C7: variants seen among roughly 807,000 people sequenced by gnomAD.
The protein encoded by C7 is complement component C7.
Under a neutral mutation model 104.8 loss-of-function variants are expected in C7, and 83 were observed. The ratio of observed to expected loss-of-function variants is 0.79; its 90% confidence interval spans 0.66 to 0.95. The LOEUF (loss-of-function observed/expected upper bound fraction) is 0.95, where lower values mean the gene tolerates loss of function less well. Among genes scored for constraint, C7 ranks in the 40% least tolerant of loss-of-function variants. C7 has a pLI of 0.00. For missense variants in C7, 1,070 were observed against 1,011.2 expected (o/e 1.06, Z -0.79); for synonymous variants, 415 against 360.6 (o/e 1.15, Z -1.71).
intron 14 of C7, among the ~76,000 whole-genome samples, chr5:40,968,333 C>T (rs773848266): frequency 6.6e-6 from 1 of 151,502 alleles, no homozygotes; most frequent in African/African-American, 2.4e-5. Context: ...GCCATGTTGG[C>T]CAGGCTGGTC....
chr5:40,910,670 C>T (rs1739188002), intron 1 of C7, among the ~76,000 whole-genome samples: 2 of 151,190 alleles, frequency 1.3e-5, no homozygotes, highest in Non-Finnish European at 2.9e-5. Flanking sequence ...CAGGAACAGA[C>T]AATCAAATAC....
chr5:40,955,510 G>C lies in C7; in HGVS notation c.1217G>C (p.Trp406Ser). ...GGAAACAAAAGGCGATATTCTGCCT[G>C]GGCAGAATCTGTGACTAATCTTCCT... ...PAGNKRRYSA[W>S]AESVTNLPQV... is the part of the protein sequence containing the mutation. The change falls in exon 10 of 18, where the codon TGG becomes TCG. Residue 406 changes from tryptophan (W) to serine (S), a missense_variant. Transcript: ENST00000313164. 1 of 1,613,276 alleles carries C rather than the reference G, an allele frequency of 6.2e-7. No homozygotes were observed. The highest frequency in any genetic ancestry group is 8.5e-7 in the Non-Finnish European group (1 of 1,179,498).
intron 10 of C7, among the ~76,000 whole-genome samples, chr5:40,957,553 T>C (rs1740316635): frequency 6.6e-6 from 1 of 152,100 alleles, no homozygotes; most frequent in Non-Finnish European, 1.5e-5. Context: ...CCTCCCAGGT[T>C]CAAGTGATTC....
chr5:40,911,133 A>G (rs1054571846), intron 1 of C7: 1 of 152,236 alleles, frequency 6.6e-6, no homozygotes, highest in African/African-American at 2.4e-5. Context: ...ACACTAAAGC[A>G]ATTATTTCAC....
chr5:40,945,399 T>C (rs1197812060), intron 7 of C7, 31 bp downstream of exon 7: 8 of 1,487,508 alleles, frequency 5.4e-6, no homozygotes, highest in Non-Finnish European at 7.3e-6. Context: ...AACTTTTCCA[T>C]GTTTTACTTT....
At chr5:40,909,755 A>G (rs1207574288) in intron 1 of C7, 139 bp downstream of exon 1, 3 of 490,690 alleles carry the variant, frequency 6.1e-6, no homozygotes, top group Middle Eastern at 5.4e-4. Context: ...AGGAAAATAC[A>G]GAAGAAAAAG....
chr5:40,970,692 C>G (rs542545456), intron 14 of C7, among the ~76,000 whole-genome samples: 1 of 152,116 alleles, frequency 6.6e-6, no homozygotes, highest in Non-Finnish European at 1.5e-5. Context: ...CTGCATCTAT[C>G]AACCCATCAT....
intron 14 of C7, among the ~76,000 whole-genome samples, chr5:40,965,450 A>G (rs13359402): frequency 0.078 from 11,824 of 152,084 alleles, 1,064 homozygotes; most frequent in African/African-American, 0.21. Flanking sequence ...CCTATTGTGA[A>G]ATTTCTGAGT....
chr5:40,955,269 C>T (rs190738616), intron 9 of C7, 118 bp from the exon 10 acceptor site: 2 of 926,946 alleles, frequency 2.2e-6, no homozygotes, highest in African/African-American at 3.3e-5. Context: ...TCTTTCTGAC[C>T]ACAATTTATC....
At chr5:40,972,108 C>T (rs1457411852) in intron 14 of C7, 2 of 514,044 alleles carry the variant, frequency 3.9e-6, no homozygotes, top group Middle Eastern at 2.9e-4. Flanking sequence ...TTGGTTTCAA[C>T]AGTAGGCTGG....
intron 13 of C7, among the ~76,000 whole-genome samples, chr5:40,963,450 A>G (rs1430336879): frequency 6.6e-6 from 1 of 151,918 alleles, no homozygotes; most frequent in Non-Finnish European, 1.5e-5. Flanking sequence ...GAAACAGAAC[A>G]TGTGCTCCTC....
intron 4 of C7, among the ~76,000 whole-genome samples, chr5:40,934,785 G>A (rs1739779879): frequency 6.6e-6 from 1 of 152,128 alleles, no homozygotes; most frequent in African/African-American, 2.4e-5. Context: ...TACATATATT[G>A]AGATTAGACG....
intron 15 of C7, among the ~76,000 whole-genome samples, chr5:40,974,855 G>T (rs1207003820): frequency 9.9e-5 from 15 of 152,158 alleles, no homozygotes; most frequent in Admixed American, 9.8e-4. Flanking sequence ...CTAGATTAAG[G>T]CTTCTCAACC....
chr5:40,936,126 G>A (rs1323132364), intron 4 of C7, among the ~76,000 whole-genome samples: 1 of 152,114 alleles, frequency 6.6e-6, no homozygotes, highest in East Asian at 1.9e-4. Flanking sequence ...TTTCAATTTT[G>A]TGTCTGATTG....
intron 6 of C7, among the ~76,000 whole-genome samples, chr5:40,941,131 T>A (rs974762469): frequency 2.0e-5 from 3 of 150,894 alleles, no homozygotes; most frequent in African/African-American, 7.3e-5. Context: ...TCGTGTGATC[T>A]CGGCTCACTG....
At chr5:40,964,114 C>T (rs1348702494) in intron 13 of C7, among the ~76,000 whole-genome samples, 2 of 141,274 alleles carry the variant, frequency 1.4e-5, no homozygotes, top group East Asian at 2.3e-4. Context: ...ACTATCTCGC[C>T]TCACTGCAAC....
chr5:40,940,889 C>G (rs1042968468), intron 6 of C7, among the ~76,000 whole-genome samples: 70 of 152,072 alleles, frequency 4.6e-4, no homozygotes, highest in Non-Finnish European at 1.9e-4. Context: ...AAGTCTGGCT[C>G]CAAACCCCCT....
intron 6 of C7, among the ~76,000 whole-genome samples, chr5:40,938,170 G>A (rs1016573320): frequency 1.3e-5 from 2 of 152,090 alleles, no homozygotes; most frequent in Non-Finnish European, 2.9e-5. Context: ...ATAGAATATT[G>A]CCAGTGACTT....
Position 40,947,435 on chromosome 5 carries a change from TC to T in C7, c.739-165del, listed in dbSNP as rs1413266960. On this transcript the variant is annotated intron_variant, in intron 7 of 17. Coordinates refer to ENST00000313164, the MANE Select transcript of C7 (RefSeq NM_000587.4). ...GAGACTCCAAATATTCCTGATTGCG[TC>T]CAGTAAGTGGGCCCATAAGAGTGCT... 4.6e-5 allele frequency among the ~76,000 whole-genome samples: 7 copies of T among 151,944 alleles called. No individual in the cohort carries two copies. In the East Asian group the frequency reaches 1.4e-3, roughly 29 times the overall value.
Sources: allele counts gnomAD v4.1 joint callset (sites outside exome capture counted in the v4.1 genomes callset), GRCh38; gene constraint gnomAD v4.1.1; transcripts MANE v1.5; gene names NCBI Gene and HGNC (gene_info 2026-07-23, HGNC 2026-07-21).